PKHD1: variants seen among roughly 807,000 people sequenced by gnomAD.
The protein encoded by PKHD1 is PKHD1 ciliary IPT domain containing fibrocystin/polyductin, also known as fibrocystin.
Under a neutral mutation model 412.0 loss-of-function variants are expected in PKHD1, and 291 were observed. That is an observed-to-expected ratio of 0.71 (90% CI 0.64 to 0.78). PKHD1 has a LOEUF of 0.78. Ranked by LOEUF, PKHD1 falls within the 30% of genes least tolerant of loss-of-function variation. The pLI is 0.00. For synonymous variants in PKHD1, 1,777 were observed against 1,821.5 expected (o/e 0.98, Z 0.62); for missense variants, 4,825 against 4,950.7 (o/e 0.97, Z 0.76).
At chr6:51,626,969 G>A (rs1292636181) in intron 66 of PKHD1, 28 bp downstream of exon 66, 1 of 1,612,174 alleles carries the variant, frequency 6.2e-7, no homozygotes, top group Non-Finnish European at 8.5e-7. Flanking sequence ...TCTCTCCTGT[G>A]GGGATCATCT....
chr6:51,958,492 C>T (rs1791502843), intron 36 of PKHD1, among the ~76,000 whole-genome samples: 1 of 152,092 alleles, frequency 6.6e-6, no homozygotes, highest in Non-Finnish European at 1.5e-5. Context: ...TGCCTCTTCT[C>T]TGTTTTCAGC....
intron 35 of PKHD1, among the ~76,000 whole-genome samples, chr6:51,995,507 C>A (rs1797619318): frequency 1.3e-5 from 2 of 152,196 alleles, no homozygotes; most frequent in South Asian, 4.1e-4. Context: ...ATCTCTGGGA[C>A]TCTGTAAGAC....
intron 52 of PKHD1, among the ~76,000 whole-genome samples, chr6:51,791,809 A>G (rs1406530039): frequency 6.6e-6 from 1 of 152,210 alleles, no homozygotes; most frequent in Non-Finnish European, 1.5e-5. Flanking sequence ...GTCTAGGCAA[A>G]TAACTTTATC....
chr6:51,926,513 T>C (rs1785653445), intron 37 of PKHD1, among the ~76,000 whole-genome samples: 1 of 152,220 alleles, frequency 6.6e-6, no homozygotes, highest in African/African-American at 2.4e-5. Context: ...CCTTACAATG[T>C]GTTTCTAAGT....
intron 7 of PKHD1, among the ~76,000 whole-genome samples, chr6:52,072,784 G>A (rs1337223403): frequency 6.6e-6 from 1 of 152,160 alleles, no homozygotes; most frequent in African/African-American, 2.4e-5. Context: ...CTATGCAGCT[G>A]AGTATATAGT....
chr6:51,857,889 T>C (rs1773540522), intron 48 of PKHD1, among the ~76,000 whole-genome samples: 1 of 152,216 alleles, frequency 6.6e-6, no homozygotes, highest in South Asian at 2.1e-4. Context: ...CTCAGGGCAT[T>C]TGGGAATGAA....
rs183579837 is a variant in PKHD1 at position 51,970,705 on chromosome 6, G to A, written c.5752-10679C>T. 8.3e-4 allele frequency among the ~76,000 whole-genome samples: 127 copies of A among 152,262 alleles called. 1 individual carries two copies. Among genetic ancestry groups the A allele is most frequent in the African/African-American group, 3.0e-3 (125 of 41,536 alleles). Reference sequence around the variant, plus strand: ...TTCCCCCGCACACTTATCGAGTAGGGTGACTTTTCCCCACTGTATGTTTTT... The same window carrying A: ...TTCCCCCGCACACTTATCGAGTAGGATGACTTTTCCCCACTGTATGTTTTT... On this transcript the variant is annotated intron_variant, in intron 35 of 66. Coordinates refer to ENST00000371117, the MANE Select transcript of PKHD1 (RefSeq NM_138694.4).
intron 64 of PKHD1, among the ~76,000 whole-genome samples, chr6:51,637,259 G>A (rs965404585): frequency 6.6e-6 from 1 of 152,146 alleles, no homozygotes; most frequent in Non-Finnish European, 1.5e-5. Flanking sequence ...TACCCTTTAA[G>A]ACATATCCAT....
At chr6:51,900,068 A>C (rs983176445) in intron 43 of PKHD1, among the ~76,000 whole-genome samples, 1 of 152,226 alleles carries the variant, frequency 6.6e-6, no homozygotes, top group African/African-American at 2.4e-5. Flanking sequence ...GGAAGAATCA[A>C]TATCGTGAAA....
chr6:51,704,387 G>A (rs1779780207), intron 60 of PKHD1, among the ~76,000 whole-genome samples: 1 of 151,982 alleles, frequency 6.6e-6, no homozygotes, highest in African/African-American at 2.4e-5. Context: ...TAAGATAAAG[G>A]GAAGCCAGTA....
At chr6:51,759,172 G>C (rs993135489) in intron 55 of PKHD1, among the ~76,000 whole-genome samples, 8 of 152,184 alleles carry the variant, frequency 5.3e-5, no homozygotes, top group African/African-American at 1.7e-4. Flanking sequence ...TGATAGAGAA[G>C]AAATTGAATT....
intron 60 of PKHD1, among the ~76,000 whole-genome samples, chr6:51,694,484 A>G (rs1477895230): frequency 6.7e-6 from 1 of 149,826 alleles, no homozygotes. Context: ...CCCTGGTTCA[A>G]GCAATTCTCC....
chr6:51,656,549 G>A (rs894568037), intron 61 of PKHD1, among the ~76,000 whole-genome samples: 1 of 152,062 alleles, frequency 6.6e-6, no homozygotes, highest in Non-Finnish European at 1.5e-5. Context: ...GAATCCAGAT[G>A]CCTCTAGAGA....
intron 60 of PKHD1, among the ~76,000 whole-genome samples, chr6:51,672,058 A>C (rs2150508556): frequency 1.3e-5 from 2 of 152,346 alleles, no homozygotes; most frequent in East Asian, 3.9e-4. Context: ...AAATGTTCAC[A>C]GAGTAGCTTT....
intron 43 of PKHD1, among the ~76,000 whole-genome samples, chr6:51,891,081 T>C (rs1779035309): frequency 6.6e-6 from 1 of 152,188 alleles, no homozygotes; most frequent in Non-Finnish European, 1.5e-5. Context: ...GGAGTTTTAC[T>C]ACATTCTCAG....
At position 51,874,921 on chromosome 6, in the gene PKHD1, C is replaced by G. The variant is rs1230660090; in HGVS notation, c.7351-4282G>C. On this transcript the variant is annotated intron_variant, in intron 46 of 66. Transcript: ENST00000371117. Reference sequence around the variant, plus strand: ...GTGTGTGTGCGCACCGTGCGCGAGCCGAAGCAGGGCGAGGCATTGCCTCAC... The same window carrying G: ...GTGTGTGTGCGCACCGTGCGCGAGCGGAAGCAGGGCGAGGCATTGCCTCAC... 3.6e-5 allele frequency among the ~76,000 whole-genome samples: 3 copies of G among 82,340 alleles called. 1 individual carries two copies. The highest frequency in any genetic ancestry group is 3.3e-4 in the Admixed American group (2 of 6,010). 54.0% of individuals were successfully genotyped at this position (82,340 alleles called of 152,430 possible).
rs1290111165 is a variant in PKHD1, at chr6:51,748,233, T to C, written c.9383A>G (p.His3128Arg). The change falls in exon 58 of 67, where the codon CAT becomes CGT. Residue 3128 changes from histidine (H) to arginine (R), a missense_variant. Transcript: ENST00000371117. ...ACTTTCCTTATAGAGATGAAGGCCATGAAGACTTGAATGCGCCACATTGTC... is the reference window on the plus strand; with the variant it reads ...ACTTTCCTTATAGAGATGAAGGCCACGAAGACTTGAATGCGCCACATTGTC... ...WSDNVAHSSL[H>R]GLHLYKESGL... The C allele has an allele frequency of 6.2e-7, 1 of 1,614,096 alleles. No individual in the cohort carries two copies. Among genetic ancestry groups the C allele is most frequent in the South Asian group, 1.1e-5 (1 of 91,078 alleles).
chr6:52,053,464 C>T (rs1370579737), intron 20 of PKHD1, among the ~76,000 whole-genome samples: 1 of 152,220 alleles, frequency 6.6e-6, no homozygotes, highest in African/African-American at 2.4e-5. Flanking sequence ...TGCTAGTAGT[C>T]ACCTTTTAAG....
At chr6:52,023,167 T>G (rs1431944643) in intron 32 of PKHD1, among the ~76,000 whole-genome samples, 1 of 151,174 alleles carries the variant, frequency 6.6e-6, no homozygotes, top group Non-Finnish European at 1.5e-5. Flanking sequence ...GTTAAAGAGG[T>G]TTTTTTTTAA....
Sources: gnomAD v4.1 joint callset for allele counts (sites outside exome capture counted in the v4.1 genomes callset) on GRCh38, gnomAD v4.1.1 for gene constraint, MANE v1.5 for transcripts, NCBI Gene and HGNC (gene_info 2026-07-23, HGNC 2026-07-21) for gene names.